The following DNAJB6 variants were observed in gnomAD, a reference collection of about 807,000 sequenced individuals.
The protein encoded by DNAJB6 is dnaJ homolog subfamily B member 6.
Under a neutral mutation model 42.7 loss-of-function variants are expected in DNAJB6, and 16 were observed. The observed-to-expected ratio is 0.37, with a 90% CI of 0.25 to 0.57. The LOEUF is 0.57. Ranked by LOEUF, DNAJB6 falls within the 20% of genes least tolerant of loss-of-function variation. DNAJB6 has a pLI of 0.74. For synonymous variants in DNAJB6, 170 were observed against 163.5 expected (o/e 1.04, Z -0.30); for missense variants, 347 against 416.8 (o/e 0.83, Z 1.46).
intron 1 of DNAJB6, among the ~76,000 whole-genome samples, chr7:157,343,694 C>T (rs530048595): frequency 2.6e-5 from 4 of 152,024 alleles, no homozygotes; most frequent in Non-Finnish European, 5.9e-5. Flanking sequence ...GGTGATCCAC[C>T]TGCCATGGCC....
At chr7:157,352,035 T>C (rs1799010806) in intron 1 of DNAJB6, among the ~76,000 whole-genome samples, 1 of 151,628 alleles carries the variant, frequency 6.6e-6, no homozygotes, top group Non-Finnish European at 1.5e-5. Context: ...ACAAAACTTC[T>C]CAATTTAAAA....
At position 157,358,551 on chromosome 7, in the gene DNAJB6, C is replaced by T. The variant is rs370153381; in HGVS notation, c.-22C>T. The T allele has an allele frequency of 3.1e-6, 5 of 1,608,216 alleles. No individual in the cohort carries two copies. Among genetic ancestry groups the T allele is most frequent in the South Asian group, 1.1e-5 (1 of 90,930 alleles). On this transcript the variant is annotated 5_prime_UTR_variant, in exon 2 of 10. Coordinates refer to ENST00000262177, the MANE Select transcript of DNAJB6 (RefSeq NM_058246.4). ...ACCACCTGTTTTTACTTGCAGGACC[C>T]ATTCCAACAATCTCGTAAAACATGG...
intron 1 of DNAJB6, among the ~76,000 whole-genome samples, chr7:157,338,338 T>A (rs1405025863): frequency 6.8e-6 from 1 of 147,912 alleles, no homozygotes; most frequent in Non-Finnish European, 1.5e-5. Flanking sequence ...CAGACTTCCT[T>A]TTTTTTTTTT....
intron 6 of DNAJB6, among the ~76,000 whole-genome samples, chr7:157,383,092 C>T (rs746934540): frequency 5.3e-5 from 8 of 152,094 alleles, no homozygotes; most frequent in Non-Finnish European, 7.3e-5. Context: ...TGCAGCCTCC[C>T]GCCTCCTGGG....
At chr7:157,379,525 G>C (rs948076004) in intron 5 of DNAJB6, 2 of 152,208 alleles carry the variant, frequency 1.3e-5, no homozygotes, top group Non-Finnish European at 2.9e-5. Context: ...ACCCAGGTTG[G>C]AGTGCAGTGG....
intron 6 of DNAJB6, among the ~76,000 whole-genome samples, 168 bp from the exon 7 acceptor site, chr7:157,384,699 C>T (rs1253316187): frequency 6.6e-6 from 1 of 152,160 alleles, no homozygotes; most frequent in East Asian, 1.9e-4. Context: ...AGTCTTTCCC[C>T]CTGGGCACCC....
rs1470334060 is a variant in DNAJB6, at chr7:157,337,040, C to T, written c.-131C>T. On this transcript the variant is annotated 5_prime_UTR_variant, in exon 1 of 10. Coordinates refer to ENST00000262177, the MANE Select transcript of DNAJB6 (RefSeq NM_058246.4). ...TGGAGAAAGGAGAGAAAGGAAAGCG[C>T]GAGGAGCCGCCGCCACCACCAGCGC... 3 of 152,488 alleles carry T rather than the reference C, an allele frequency of 2.0e-5. No homozygotes were observed. Among genetic ancestry groups the T allele is most frequent in the Admixed American group, 1.3e-4 (2 of 15,310 alleles). 9.4% of individuals were successfully genotyped at this position (152,488 alleles called of 1,614,324 possible). A position where few individuals can be genotyped will look rare whatever the true frequency, so the allele number is the denominator to read the frequency against.
intron 1 of DNAJB6, among the ~76,000 whole-genome samples, chr7:157,344,027 T>C (rs1798555324): frequency 6.6e-6 from 1 of 152,134 alleles, no homozygotes; most frequent in South Asian, 2.1e-4. Context: ...TTTAAAGAAG[T>C]TTCATAATTG....
At chr7:157,391,727 A>G (rs749157779) in intron 8 of DNAJB6, among the ~76,000 whole-genome samples, 1 of 152,218 alleles carries the variant, frequency 6.6e-6, no homozygotes. Context: ...ATTTGTGTAG[A>G]GTCTTATGTA....
chr7:157,344,122 C>G (rs1380388961), intron 1 of DNAJB6, among the ~76,000 whole-genome samples: 2 of 152,158 alleles, frequency 1.3e-5, no homozygotes, highest in African/African-American at 4.8e-5. Flanking sequence ...GGTCAGATCA[C>G]AAGGTCAGGA....
chr7:157,344,539 G>C (rs895335501), intron 1 of DNAJB6, among the ~76,000 whole-genome samples: 1 of 151,896 alleles, frequency 6.6e-6, no homozygotes, highest in African/African-American at 2.4e-5. Context: ...TAATTTTGTA[G>C]TTAGAGAATA....
At chr7:157,384,248 G>GT (rs1800936888) in intron 6 of DNAJB6, among the ~76,000 whole-genome samples, 1 of 152,210 alleles carries the variant, frequency 6.6e-6, no homozygotes, top group African/African-American at 2.4e-5. Context: ...TAGAACCATA[G>GT]TTTTTTGAGA....
At chr7:157,401,020 T>A (rs74732537) in intron 8 of DNAJB6, among the ~76,000 whole-genome samples, 178 of 152,292 alleles carry the variant, frequency 1.2e-3, no homozygotes, top group East Asian at 8.7e-3. Context: ...ACTTACCCGC[T>A]GTGGTCCCTG....
At chr7:157,412,438 T>A (rs1796006323) in intron 9 of DNAJB6, 1 of 152,210 alleles carries the variant, frequency 6.6e-6, no homozygotes, top group Non-Finnish European at 1.5e-5. Context: ...AGTGACAAAG[T>A]CACACGGGTG....
intron 8 of DNAJB6, among the ~76,000 whole-genome samples, chr7:157,400,375 T>TAGGGAGGTCTGAGCACGGG (rs1554467485): frequency 1.2e-4 from 18 of 152,108 alleles, no homozygotes; most frequent in South Asian, 2.1e-4. Flanking sequence ...CGCTCGTGTG[T>TAGGGAGGTCTGAGCACGGG]GGTGTGCCGT....
At chr7:157,357,729 C>G (rs55701315) in intron 1 of DNAJB6, among the ~76,000 whole-genome samples, 22,050 of 152,108 alleles carry the variant, frequency 0.14, 2,032 homozygotes, top group South Asian at 0.22. Context: ...CCTTGTGGGA[C>G]CAGAGGCTAC....
chr7:157,406,215 G>A (rs539713339), intron 8 of DNAJB6, among the ~76,000 whole-genome samples: 1 of 152,382 alleles, frequency 6.6e-6, no homozygotes, highest in Non-Finnish European at 1.5e-5. Context: ...CCGTGCCCAC[G>A]GGAAGCTCGG....
intron 2 of DNAJB6, among the ~76,000 whole-genome samples, chr7:157,362,770 T>C (rs1047537197): frequency 6.6e-6 from 1 of 152,228 alleles, no homozygotes; most frequent in African/African-American, 2.4e-5. Context: ...GTTTGTATTA[T>C]GCTATCAGGA....
rs1563128471 is a variant in DNAJB6 at position 157,369,886 on chromosome 7, C to CCTTCTCAACATTATTATTAAACAGGCCT, written c.346+2430_346+2431insTCTTCTCAACATTATTATTAAACAGGCC. 1.0e-4 allele frequency among the ~76,000 whole-genome samples: 14 copies of CCTTCTCAACATTATTATTAAACAGGCCT among 135,312 alleles called. 1 individual carries two copies. The highest frequency in any genetic ancestry group is 3.8e-4 in the African/African-American group (13 of 34,158). The allele number at this position is 135,312 out of a possible 152,430, so 88.8% of individuals were successfully genotyped here. A position where few individuals can be genotyped will look rare whatever the true frequency, so the allele number is the denominator to read the frequency against. On this transcript the variant is annotated intron_variant, in intron 5 of 9. Coordinates refer to ENST00000262177, the MANE Select transcript of DNAJB6 (RefSeq NM_058246.4). ...TCTTCACATTATTATTAAACAGGCC[C>CCTTCTCAACATTATTATTAAACAGGCCT]CTTCTCAACATTATTATTAAACAGG...
Sources: allele counts gnomAD v4.1 joint callset (sites outside exome capture counted in the v4.1 genomes callset), GRCh38; gene constraint gnomAD v4.1.1; transcripts MANE v1.5; gene names NCBI Gene and HGNC (gene_info 2026-07-23, HGNC 2026-07-21).